PLD5: variants seen among roughly 807,000 people sequenced by gnomAD.
The protein encoded by PLD5 is inactive phospholipase D5.
PLD5 carries 36 observed loss-of-function variants against 61.1 expected under a neutral mutation model. The ratio of observed to expected loss-of-function variants is 0.59; its 90% CI spans 0.45 to 0.78. The LOEUF (loss-of-function observed/expected upper bound fraction) is 0.78, where lower values mean the gene tolerates loss of function less well. Among genes scored for constraint, PLD5 ranks in the 30% least tolerant of loss-of-function variants. The pLI, the probability that PLD5 is intolerant of heterozygous loss-of-function variation, is 0.00. For missense variants in PLD5, 515 were observed against 644.4 expected, an observed-to-expected ratio of 0.80 and a Z score of 2.17; for synonymous variants, 243 against 242.8, an observed-to-expected ratio of 1.00 and a Z score of -0.01.
chr1:242,242,179 A>T (rs1298556963), intron 4 of PLD5, among the ~76,000 whole-genome samples: 2 of 151,916 alleles, frequency 1.3e-5, no homozygotes, highest in Admixed American at 1.3e-4. Context: ...ATTTGTTAAA[A>T]GAGTGAACGA....
chr1:242,145,857 G>A (rs185539842), intron 5 of PLD5, among the ~76,000 whole-genome samples: 14 of 152,284 alleles, frequency 9.2e-5, no homozygotes, highest in Admixed American at 9.2e-4. Context: ...TGTATTTTTA[G>A]TAGAGACAGG....
intron 6 of PLD5, among the ~76,000 whole-genome samples, chr1:242,116,703 T>C (rs927232126): frequency 3.0e-4 from 45 of 152,322 alleles, no homozygotes; most frequent in African/African-American, 1.1e-3. Context: ...CTTAGAATAA[T>C]GGCCCCTAGC....
At chr1:242,492,361 A>T (rs752147451) in intron 1 of PLD5, among the ~76,000 whole-genome samples, 1 of 151,794 alleles carries the variant, frequency 6.6e-6, no homozygotes, top group Non-Finnish European at 1.5e-5. Context: ...AAAAAAAAAC[A>T]AATACTAAAA....
intron 2 of PLD5, among the ~76,000 whole-genome samples, chr1:242,340,335 T>C (rs1422235844): frequency 6.6e-6 from 1 of 152,102 alleles, no homozygotes; most frequent in Non-Finnish European, 1.5e-5. Context: ...AAATGGGATC[T>C]TCCAAATTTG....
intron 2 of PLD5, among the ~76,000 whole-genome samples, chr1:242,309,771 T>C (rs1253849089): frequency 1.3e-5 from 2 of 150,642 alleles, no homozygotes; most frequent in African/African-American, 4.9e-5. Flanking sequence ...CAGTCATTTC[T>C]AAGGTTGAAG....
intron 1 of PLD5, among the ~76,000 whole-genome samples, chr1:242,490,842 C>T (rs553910505): frequency 1.1e-4 from 17 of 149,244 alleles, no homozygotes; most frequent in Non-Finnish European, 2.2e-4. Flanking sequence ...CCTGGGGTTC[C>T]GAAAATTTGG....
chr1:242,102,940 C>T (rs1003577611), intron 8 of PLD5, among the ~76,000 whole-genome samples: 5 of 152,258 alleles, frequency 3.3e-5, no homozygotes, highest in African/African-American at 1.2e-4. Flanking sequence ...TGCTACTTTC[C>T]TTGTAATTTT....
At chr1:242,360,615 T>C (rs1290322574) in intron 1 of PLD5, among the ~76,000 whole-genome samples, 43 of 152,114 alleles carry the variant, frequency 2.8e-4, no homozygotes, top group Admixed American at 2.8e-3. Flanking sequence ...ACGATAAAAT[T>C]GTATCATGCT....
chr1:242,191,956 C>G (rs1668315180), intron 5 of PLD5, among the ~76,000 whole-genome samples: 1 of 152,124 alleles, frequency 6.6e-6, no homozygotes, highest in African/African-American at 2.4e-5. Context: ...CAGCACCTTC[C>G]CAGAAACAAC....
chr1:242,452,992 A>C (rs553286386), intron 1 of PLD5, among the ~76,000 whole-genome samples: 1 of 152,236 alleles, frequency 6.6e-6, no homozygotes, highest in Non-Finnish European at 1.5e-5. Context: ...GGAAAGGTGA[A>C]AGGAAAAAGA....
At position 242,440,297 on chromosome 1, in the gene PLD5, T is replaced by G. The variant is rs150406491; in HGVS notation, c.189+83791A>C. Among the ~76,000 whole-genome samples, 205 of 152,314 alleles carry G rather than the reference T, an allele frequency of 1.3e-3. 3 individuals carry two copies. The highest frequency in any genetic ancestry group is 4.6e-3 in the African/African-American group (191 of 41,570). ...ATAAGGTTTGGTTTCGCCAAGCATG[T>G]AGGAGCTTGAAAGTTGGTTGCTGGT... On this transcript the variant is annotated intron_variant, in intron 1 of 9. Transcript: ENST00000536534.
chr1:242,352,486 A>G (rs1660532710), intron 1 of PLD5, among the ~76,000 whole-genome samples: 1 of 152,214 alleles, frequency 6.6e-6, no homozygotes, highest in African/African-American at 2.4e-5. Context: ...CAGCTTGGCT[A>G]TTATGAAGAG....
rs1653405493 is a variant in PLD5, at chr1:242,087,499, T to C, written c.*2355A>G. The C allele has an allele frequency of 6.6e-6, 1 of 152,202 alleles. No individual in the cohort carries two copies. Among genetic ancestry groups the C allele is most frequent in the African/African-American group, 2.4e-5 (1 of 41,452 alleles). The allele number at this position is 152,202 out of a possible 1,614,324, so 9.4% of individuals were successfully genotyped here. On this transcript the variant is annotated 3_prime_UTR_variant, in exon 10 of 10. Coordinates refer to ENST00000536534, the MANE Select transcript of PLD5 (RefSeq NM_001372062.1). Reference sequence around the variant, plus strand: ...AACAAATTTTAGTTTATTTGGTTTTTTTTTCTCCCTTTAGATGTCCTTTTT... The same window carrying C: ...AACAAATTTTAGTTTATTTGGTTTTCTTTTCTCCCTTTAGATGTCCTTTTT...
At chr1:242,216,784 A>AC (rs943582281) in intron 5 of PLD5, among the ~76,000 whole-genome samples, 2 of 152,056 alleles carry the variant, frequency 1.3e-5, no homozygotes, top group African/African-American at 4.8e-5. Flanking sequence ...TGTGGGTCAG[A>AC]CCCCCACACA....
chr1:242,134,299 C>T (rs933479660), intron 5 of PLD5, among the ~76,000 whole-genome samples: 1 of 152,100 alleles, frequency 6.6e-6, no homozygotes, highest in African/African-American at 2.4e-5. Flanking sequence ...GCTGAACATG[C>T]CTTATCTCTG....
intron 5 of PLD5, among the ~76,000 whole-genome samples, chr1:242,134,652 T>G (rs1015550245): frequency 6.6e-6 from 1 of 152,232 alleles, no homozygotes; most frequent in Admixed American, 6.5e-5. Flanking sequence ...TTTACTTCTG[T>G]GTGTTGCTTC....
intron 1 of PLD5, among the ~76,000 whole-genome samples, chr1:242,519,051 T>C (rs1221552116): frequency 2.0e-5 from 3 of 152,356 alleles, no homozygotes; most frequent in Admixed American, 6.5e-5. Flanking sequence ...CCGCAGGAAA[T>C]GATCCCAGTA....
At chr1:242,257,983 T>C (rs1440339671) in intron 4 of PLD5, among the ~76,000 whole-genome samples, 5 of 152,328 alleles carry the variant, frequency 3.3e-5, no homozygotes, top group Non-Finnish European at 7.3e-5. Flanking sequence ...CCCTCTTTTT[T>C]CACTTGGGTT....
chr1:242,175,042 A>C (rs540317505), intron 5 of PLD5, among the ~76,000 whole-genome samples: 2 of 152,144 alleles, frequency 1.3e-5, no homozygotes, highest in South Asian at 4.2e-4. Flanking sequence ...AAAGTATAAT[A>C]ATAAAAAAAA....
Sources: gnomAD v4.1 joint callset for allele counts (sites outside exome capture counted in the v4.1 genomes callset) on GRCh38, gnomAD v4.1.1 for gene constraint, MANE v1.5 for transcripts, NCBI Gene and HGNC (gene_info 2026-07-23, HGNC 2026-07-21) for gene names.